The following PCOLCE2 variants were observed in gnomAD, a reference collection of about 807,000 sequenced individuals.
PCOLCE2 encodes procollagen C-proteinase enhancer 2.
PCOLCE2 carries 42 observed loss-of-function variants against 47.0 expected under a neutral mutation model. The observed-to-expected ratio is 0.89, with a 90% CI of 0.70 to 1.16. The LOEUF is 1.16. PCOLCE2 is among the 50% of genes most tolerant of loss of function. PCOLCE2 has a pLI of 0.00. For synonymous variants in PCOLCE2, 169 were observed against 191.7 expected (o/e 0.88, Z 0.98); for missense variants, 500 against 526.1 (o/e 0.95, Z 0.49).
intron 2 of PCOLCE2, among the ~76,000 whole-genome samples, chr3:142,855,832 G>C (rs960910748): frequency 6.6e-6 from 1 of 152,184 alleles, no homozygotes; most frequent in Non-Finnish European, 1.5e-5. Context: ...GGAGAAGAGA[G>C]AGCTGCCCAG....
chr3:142,831,775 G>A (rs1394419676), intron 5 of PCOLCE2, among the ~76,000 whole-genome samples: 1 of 152,196 alleles, frequency 6.6e-6, no homozygotes, highest in African/African-American at 2.4e-5. Context: ...TAGACATGAT[G>A]TTATAATTAT....
At chr3:142,837,610 GA>G (rs1388814669) in intron 5 of PCOLCE2, among the ~76,000 whole-genome samples, 4 of 152,202 alleles carry the variant, frequency 2.6e-5, no homozygotes, top group African/African-American at 9.7e-5. Context: ...ATGGTGACTT[GA>G]AGGCAAGCTG....
At position 142,876,317 on chromosome 3, in the gene PCOLCE2, G is replaced by A. The variant is rs141823888; in HGVS notation, c.192+11352C>T. 3.3e-3 allele frequency among the ~76,000 whole-genome samples: 500 copies of A among 152,246 alleles called. 4 individuals are homozygous for A. The highest frequency in any genetic ancestry group is 0.011 in the African/African-American group (466 of 41,534). On this transcript the variant is annotated intron_variant, in intron 2 of 8. Coordinates refer to ENST00000295992, the MANE Select transcript of PCOLCE2 (RefSeq NM_013363.4). ...CCATTTGCTAGGCACTGTTCTTAAT[G>A]CTGTACACACAGTAATTTCAGTCCC...
chr3:142,849,115 T>C (rs1319127260), intron 2 of PCOLCE2, among the ~76,000 whole-genome samples: 1 of 151,276 alleles, frequency 6.6e-6, no homozygotes, highest in Admixed American at 6.6e-5. Context: ...ATCGCGCCAC[T>C]GCACTCCAGC....
chr3:142,839,175 T>C (rs2108192556), intron 4 of PCOLCE2, among the ~76,000 whole-genome samples: 1 of 152,334 alleles, frequency 6.6e-6, no homozygotes, highest in South Asian at 2.1e-4. Context: ...TCTGTTCACT[T>C]ACAGCTACAA....
In PCOLCE2 at chr3:142,888,940, C is replaced by G. The variant is rs953568469; in HGVS notation, c.-44G>C. On this transcript the variant is annotated 5_prime_UTR_variant, in exon 1 of 9. Transcript: ENST00000295992. ...GGTTTGCACCCCACGGCGCGCGCGC[C>G]GGCACACACGCCCCTCCGCACCCAC... 4 of 1,053,640 alleles carry G rather than the reference C, an allele frequency of 3.8e-6. No individual in the cohort carries two copies. The highest frequency in any genetic ancestry group is 4.2e-5 in the South Asian group (2 of 47,372). 65.3% of individuals were successfully genotyped at this position (1,053,640 alleles called of 1,614,324 possible). A position where few individuals can be genotyped will look rare whatever the true frequency, so the allele number is the denominator to read the frequency against.
intron 6 of PCOLCE2, among the ~76,000 whole-genome samples, chr3:142,826,082 G>A (rs558287859): frequency 1.3e-5 from 2 of 151,776 alleles, no homozygotes; most frequent in South Asian, 2.1e-4. Flanking sequence ...TCGGCTCACT[G>A]CAAACTCCGC....
At position 142,830,097 on chromosome 3, in the gene PCOLCE2, T is replaced by C. The variant is rs963553836; in HGVS notation, c.711-251A>G. Among the ~76,000 whole-genome samples, 7 of 152,338 alleles carry C rather than the reference T, an allele frequency of 4.6e-5. No individual in the cohort carries two copies. The South Asian group carries it at 1.5e-3, about 32-fold the overall frequency. ...AACCCTATTTTTATCTCTTTTTTTA[T>C]GGAAAAGGCAATTGAAGTTCAGAGA... is the stretch of plus-strand genomic sequence containing the variant. On this transcript the variant is annotated intron_variant, in intron 5 of 8. Transcript: ENST00000295992.
intron 4 of PCOLCE2, among the ~76,000 whole-genome samples, chr3:142,840,888 A>C (rs1937256878): frequency 6.6e-6 from 1 of 152,158 alleles, no homozygotes; most frequent in African/African-American, 2.4e-5. Context: ...ATTCTGGCCA[A>C]CACGGTGAAA....
chr3:142,877,050 TA>T (rs1276672588), intron 2 of PCOLCE2, among the ~76,000 whole-genome samples: 4 of 152,206 alleles, frequency 2.6e-5, no homozygotes, highest in African/African-American at 9.7e-5. Context: ...CTATTAGGAA[TA>T]AATGAATACA....
intron 2 of PCOLCE2, among the ~76,000 whole-genome samples, chr3:142,867,461 C>T (rs1464664057): frequency 6.6e-6 from 1 of 152,070 alleles, no homozygotes. Context: ...AGATAAACCA[C>T]AGATGGAAAA....
At chr3:142,876,309 T>C (rs995170382) in intron 2 of PCOLCE2, among the ~76,000 whole-genome samples, 3 of 152,198 alleles carry the variant, frequency 2.0e-5, no homozygotes, top group Non-Finnish European at 4.4e-5. Flanking sequence ...CTAGGCACTG[T>C]TCTTAATGCT....
At chr3:142,824,429 C>T (rs117642373) in intron 6 of PCOLCE2, among the ~76,000 whole-genome samples, 6 of 152,158 alleles carry the variant, frequency 3.9e-5, no homozygotes, top group South Asian at 2.1e-4. Flanking sequence ...AGAGAAACCC[C>T]GGGTTAACAA....
At chr3:142,822,071 C>T in intron 7 of PCOLCE2, among the ~76,000 whole-genome samples, 1 of 152,078 alleles carries the variant, frequency 6.6e-6, no homozygotes, top group Non-Finnish European at 1.5e-5. Flanking sequence ...GCATGCACCA[C>T]CACACCCAGC....
At chr3:142,864,860 A>C (rs922839654) in intron 2 of PCOLCE2, among the ~76,000 whole-genome samples, 5 of 152,258 alleles carry the variant, frequency 3.3e-5, no homozygotes, top group Non-Finnish European at 7.3e-5. Context: ...GCTGAATAAT[A>C]TTCCATTGTA....
chr3:142,832,319 C>T (rs759339934), intron 5 of PCOLCE2, among the ~76,000 whole-genome samples: 1 of 152,140 alleles, frequency 6.6e-6, no homozygotes, highest in Admixed American at 6.5e-5. Flanking sequence ...GGTCCTGTCA[C>T]GCCTGGCCTA....
intron 6 of PCOLCE2, among the ~76,000 whole-genome samples, chr3:142,826,105 C>T (rs958330786): frequency 2.0e-5 from 3 of 151,906 alleles, no homozygotes; most frequent in Non-Finnish European, 4.4e-5. Flanking sequence ...CCTGGGTCCA[C>T]GCCATTCTCC....
Position 142,827,610 on chromosome 3 carries a change from A to T in PCOLCE2, c.865+2082T>A, listed in dbSNP as rs774092663. 7 of 1,474,458 alleles carry T rather than the reference A, an allele frequency of 4.7e-6. No individual in the cohort carries two copies. In the African/African-American group the frequency reaches 7.0e-5, roughly 15 times the overall value. The allele number at this position is 1,474,458 out of a possible 1,614,324, so 91.3% of individuals were successfully genotyped here. On this transcript the variant is annotated intron_variant, in intron 6 of 8. Coordinates refer to ENST00000295992, the MANE Select transcript of PCOLCE2 (RefSeq NM_013363.4). ...TGGGCCTTCTTGCCGCAATACACAA[A>T]CTGGCCCGTGTGAATGCCCTCGGCA...
chr3:142,834,112 G>A (rs1445076882), intron 5 of PCOLCE2, among the ~76,000 whole-genome samples: 2 of 152,106 alleles, frequency 1.3e-5, no homozygotes. Context: ...GATACATGTG[G>A]ATATGTTTCT....
Sources: allele counts gnomAD v4.1 joint callset (sites outside exome capture counted in the v4.1 genomes callset), GRCh38; gene constraint gnomAD v4.1.1; transcripts MANE v1.5; gene names NCBI Gene and HGNC (gene_info 2026-07-23, HGNC 2026-07-21).